Variants in MED9 observed in about 807,000 individuals in gnomAD.
The protein encoded by MED9 is mediator complex subunit 9.
MED9 carries 8 observed loss-of-function variants against 13.2 expected under a neutral mutation model. The ratio of observed to expected loss-of-function variants is 0.61; its 90% CI spans 0.36 to 1.10. The LOEUF is 1.10. MED9 is among the 50% of genes least tolerant of loss of function. The pLI is 0.02. For missense variants in MED9, 180 were observed against 193.4 expected (o/e 0.93, Z 0.41); for synonymous variants, 87 against 82.8 (o/e 1.05, Z -0.28).
In MED9 at chr17:17,482,708, G is replaced by T. The variant is rs139116446; in HGVS notation, c.224+5443G>T. ...AGGCTTTCCCACTCTAAAATTATAG[G>T]TATTGATCTCTTTTTTCTAGAACTT... On this transcript the variant is annotated intron_variant, in intron 1 of 1. Transcript: ENST00000268711. Among the ~76,000 whole-genome samples, 720 of 152,184 alleles carry T rather than the reference G, an allele frequency of 4.7e-3. 7 individuals carry two copies. The highest frequency in any genetic ancestry group is 0.016 in the African/African-American group (669 of 41,518).
At chr17:17,481,137 G>T (rs1905026646) in intron 1 of MED9, among the ~76,000 whole-genome samples, 1 of 152,196 alleles carries the variant, frequency 6.6e-6, no homozygotes. Flanking sequence ...TCTTCTGAGG[G>T]ATGGGGAGCT....
chr17:17,477,366 G>A, intron 1 of MED9, 101 bp downstream of exon 1: 1 of 1,302,676 alleles, frequency 7.7e-7, no homozygotes, highest in Non-Finnish European at 1.0e-6. Context: ...GCACGCCCCC[G>A]TTTCACAGAT....
intron 1 of MED9, among the ~76,000 whole-genome samples, chr17:17,478,363 T>A (rs1904965051): frequency 6.6e-6 from 1 of 152,234 alleles, no homozygotes; most frequent in Non-Finnish European, 1.5e-5. Context: ...AACATGAATG[T>A]GCTCTTCACT....
chr17:17,485,610 A>ACTGCACCCTCCCCC (rs2142473840), intron 1 of MED9: 1 of 338,348 alleles, frequency 3.0e-6, no homozygotes, highest in South Asian at 1.6e-4. Flanking sequence ...TGTAGGTGGG[A>ACTGCACCCTCCCCC]CTGCACCCTC....
chr17:17,485,423 G>A (rs1905110976), intron 1 of MED9: 1 of 397,348 alleles, frequency 2.5e-6, no homozygotes. Flanking sequence ...CTCAGACTTG[G>A]GTTTCTAAAG....
chr17:17,491,333 G>A lies in MED9; in HGVS notation c.279G>A (p.Lys93=). 6.2e-7 allele frequency: 1 copy of A among 1,614,020 alleles called. No individual in the cohort carries two copies. The highest frequency in any genetic ancestry group is 8.5e-7 in the Non-Finnish European group (1 of 1,180,044). Residue 93 remains lysine, a synonymous_variant, in exon 2 of 2, where the codon AAG becomes AAA. Coordinates refer to ENST00000268711, the MANE Select transcript of MED9 (RefSeq NM_018019.3). ...VHQDLNALKS[K]FQEMRKLIST... is the part of the protein sequence containing the mutation. ...AGGACCTGAACGCCCTCAAAAGCAA[G>A]TTCCAGGAGATGCGCAAGCTCATCA...
chr17:17,490,741 A>G (rs988079825), intron 1 of MED9, among the ~76,000 whole-genome samples: 1 of 152,178 alleles, frequency 6.6e-6, no homozygotes, highest in African/African-American at 2.4e-5. Context: ...CAGCATCAAA[A>G]CCTCAGCTAA....
intron 1 of MED9, among the ~76,000 whole-genome samples, chr17:17,481,570 C>T (rs989693344): frequency 2.0e-5 from 3 of 152,174 alleles, no homozygotes; most frequent in Admixed American, 2.0e-4. Flanking sequence ...GAGATCACGT[C>T]GTACTTGACT....
chr17:17,480,846 G>A (rs952621004), intron 1 of MED9, among the ~76,000 whole-genome samples: 3 of 152,134 alleles, frequency 2.0e-5, no homozygotes, highest in South Asian at 2.1e-4. Flanking sequence ...GAGTTTATAG[G>A]CAAATGAGGG....
chr17:17,481,163 C>A (rs186691414), intron 1 of MED9, among the ~76,000 whole-genome samples: 1 of 152,292 alleles, frequency 6.6e-6, no homozygotes, highest in East Asian at 1.9e-4. Flanking sequence ...AACTGTCAGG[C>A]TGGAAGCCAG....
At chr17:17,477,819 G>T (rs908856111) in intron 1 of MED9, 1 of 152,636 alleles carries the variant, frequency 6.6e-6, no homozygotes, top group African/African-American at 2.4e-5. Context: ...CAGAAACACA[G>T]AAGTTGCCTC....
intron 1 of MED9, among the ~76,000 whole-genome samples, chr17:17,490,882 CCAA>C (rs1391124851): frequency 1.3e-5 from 2 of 152,226 alleles, no homozygotes; most frequent in Admixed American, 1.3e-4. Context: ...GTTCATTGAA[CCAA>C]CATGTTCATG....
intron 1 of MED9, 66 bp from the exon 2 acceptor site, chr17:17,491,213 G>A (rs1164299309): frequency 3.5e-6 from 5 of 1,422,212 alleles, no homozygotes; most frequent in East Asian, 2.3e-5. Context: ...GCTCTAGGGG[G>A]TGCAGGGCAG....
intron 1 of MED9, chr17:17,485,412 G>A (rs571332367): frequency 2.0e-5 from 8 of 397,936 alleles, no homozygotes; most frequent in African/African-American, 1.4e-4. Context: ...ATAGTGACCT[G>A]CTCAGACTTG....
In MED9 at chr17:17,477,225, AACTACT is replaced by A; in HGVS notation, c.185_190del (p.Asn62_Ser64delinsThr). ...ACCTGCCCGCGCGAGGGAGGAAGAG[AACTACT>A]CCTTTTTACCTTTGGTTCACAACAT... is the stretch of plus-strand genomic sequence containing the variant. On this transcript the variant is annotated inframe_deletion, in exon 1 of 2. Transcript: ENST00000268711. 3 of 1,609,424 alleles carry A rather than the reference AACTACT, an allele frequency of 1.9e-6. No homozygotes were observed. The highest frequency in any genetic ancestry group is 2.5e-6 in the Non-Finnish European group (3 of 1,177,344).
rs1055082527 is a variant in MED9 at position 17,492,594 on chromosome 17, G to A, written c.*1099G>A. On this transcript the variant is annotated 3_prime_UTR_variant, in exon 2 of 2. Coordinates refer to ENST00000268711, the MANE Select transcript of MED9 (RefSeq NM_018019.3). ...TTCCCTGATTTCTTCCAGATGGGAC[G>A]TTTTATTTGTGTGCTCTCCCTTGAC... 2.0e-5 allele frequency: 3 copies of A among 152,226 alleles called. No individual in the cohort carries two copies. Among genetic ancestry groups the A allele is most frequent in the Non-Finnish European group, 2.9e-5 (2 of 68,060 alleles). 9.4% of individuals were successfully genotyped at this position (152,226 alleles called of 1,614,324 possible). A position where few individuals can be genotyped will look rare whatever the true frequency, so the allele number is the denominator to read the frequency against.
intron 1 of MED9, among the ~76,000 whole-genome samples, chr17:17,490,042 T>C (rs541720634): frequency 6.6e-6 from 1 of 152,290 alleles, no homozygotes; most frequent in Non-Finnish European, 1.5e-5. Context: ...TTCCCTCTTA[T>C]GCCTCAATGG....
At position 17,491,784 on chromosome 17, in the gene MED9, C is replaced by G. The variant is rs1255986847; in HGVS notation, c.*289C>G. The G allele has an allele frequency of 9.6e-6, 4 of 417,560 alleles. No individual in the cohort carries two copies. The highest frequency in any genetic ancestry group is 7.1e-5 in the Admixed American group (2 of 27,980). 25.9% of individuals were successfully genotyped at this position (417,560 alleles called of 1,614,324 possible). On this transcript the variant is annotated 3_prime_UTR_variant, in exon 2 of 2. Coordinates refer to ENST00000268711, the MANE Select transcript of MED9 (RefSeq NM_018019.3). ...TGGAGGCTGCAGAGGGGGTGGAGGA[C>G]TCTCCCCTGCCTCTGGGGAGGGGGC...
In MED9 at chr17:17,478,029, T is replaced by C. The variant is rs537744631; in HGVS notation, c.224+764T>C. Among the ~76,000 whole-genome samples, 3 of 152,334 alleles carry C rather than the reference T, an allele frequency of 2.0e-5. No homozygotes were observed. In the South Asian group the frequency reaches 6.2e-4, roughly 32 times the overall value. On this transcript the variant is annotated intron_variant, in intron 1 of 1. Transcript: ENST00000268711. ...TATTTTTTTTGAGAGAGGGTCTCGC[T>C]CTGTCACCCAGACTGGAGTACAGTG...
Sources: gnomAD v4.1 joint callset for allele counts (sites outside exome capture counted in the v4.1 genomes callset) on GRCh38, gnomAD v4.1.1 for gene constraint, MANE v1.5 for transcripts, NCBI Gene and HGNC (gene_info 2026-07-23, HGNC 2026-07-21) for gene names.